The following ACTR3C variants were observed in gnomAD, a reference collection of about 807,000 sequenced individuals.
The protein encoded by ACTR3C is actin related protein 3C.
In ACTR3C, 18 loss-of-function variants were observed where a neutral mutation model predicts 26.3. The ratio of observed to expected loss-of-function variants is 0.68; its 90% CI spans 0.47 to 1.01. The LOEUF (loss-of-function observed/expected upper bound fraction) is 1.01, where lower values mean the gene tolerates loss of function less well. Ranked by LOEUF, ACTR3C falls within the 50% of genes least tolerant of loss-of-function variation. The probability of loss-of-function intolerance (pLI) is 0.00; values close to 1 mark genes in which losing one functional copy is unlikely to be tolerated. For synonymous variants in ACTR3C, 55 were observed against 94.5 expected, an observed-to-expected ratio of 0.58 and a Z score of 2.42; for missense variants, 184 against 250.7, an observed-to-expected ratio of 0.73 and a Z score of 1.80.
At chr7:150,197,955 C>A in the ACTR3C span, among the ~76,000 whole-genome samples, 22 of 151,024 alleles carry the variant, frequency 1.5e-4, 1 homozygote, top group Middle Eastern at 0.014. Context: ...AACCTCCCTG[C>A]CTGATTCTCC....
chr7:150,054,186 A>G, the ACTR3C span, among the ~76,000 whole-genome samples: 1 of 152,336 alleles, frequency 6.6e-6, no homozygotes, highest in Non-Finnish European at 1.5e-5. Context: ...ACCTATAAAT[A>G]TCCAGCTCCT....
intron 6 of ACTR3C, among the ~76,000 whole-genome samples, chr7:150,279,025 GC>G (rs1432167234): frequency 6.6e-6 from 1 of 152,158 alleles, no homozygotes; most frequent in Non-Finnish European, 1.5e-5. Context: ...TAAAAATAGA[GC>G]CGGCGCAGTG....
At position 150,323,481 on chromosome 7, in the gene ACTR3C, C is replaced by G; in HGVS notation, c.-64G>C. ...CTGCGGCTCTTACCTGCCGAGGAGG[C>G]GCCGGCTCTGCGGTGCGGAGTTGCG... On this transcript the variant is annotated 5_prime_UTR_variant, in exon 1 of 8. Coordinates refer to ENST00000683684, the MANE Select transcript of ACTR3C (RefSeq NM_001164458.2). 2.4e-6 allele frequency: 1 copy of G among 411,778 alleles called. No individual in the cohort carries two copies. Among genetic ancestry groups the G allele is most frequent in the Non-Finnish European group, 4.8e-6 (1 of 209,530 alleles). 25.5% of individuals were successfully genotyped at this position (411,778 alleles called of 1,614,324 possible).
the ACTR3C span, among the ~76,000 whole-genome samples, chr7:149,996,582 AAAAT>A: frequency 2.0e-5 from 3 of 148,908 alleles, no homozygotes; most frequent in Non-Finnish European, 3.0e-5. Flanking sequence ...TTCTGGTAAA[AAAAT>A]AAATAAATAA....
intron 1 of ACTR3C, among the ~76,000 whole-genome samples, chr7:150,305,750 C>T (rs1215279034): frequency 6.6e-6 from 1 of 152,054 alleles, no homozygotes; most frequent in Non-Finnish European, 1.5e-5. Context: ...GTCCACATAA[C>T]CGGTGTAAGC....
chr7:150,301,414 T>C (rs973758602), intron 1 of ACTR3C, among the ~76,000 whole-genome samples: 1 of 152,228 alleles, frequency 6.6e-6, no homozygotes, highest in African/African-American at 2.4e-5. Flanking sequence ...CCCTGCATTC[T>C]CTCTGGGTCT....
At chr7:149,918,714 T>G in the ACTR3C span, among the ~76,000 whole-genome samples, 1 of 151,946 alleles carries the variant, frequency 6.6e-6, no homozygotes, top group Admixed American at 6.6e-5. Context: ...AACAAAAAAT[T>G]TAAAGCAATA....
intron 2 of ACTR3C, among the ~76,000 whole-genome samples, chr7:150,294,121 C>T (rs1196496798): frequency 6.6e-6 from 1 of 152,096 alleles, no homozygotes; most frequent in Non-Finnish European, 1.5e-5. Flanking sequence ...AGGCCTCACA[C>T]CCAGAAATTC....
chr7:149,959,513 C>T, the ACTR3C span, among the ~76,000 whole-genome samples: 477 of 152,148 alleles, frequency 3.1e-3, 5 homozygotes, highest in African/African-American at 0.011. Flanking sequence ...AATGGTCTAA[C>T]TGTATTGTAA....
chr7:149,930,700 G>GTT, the ACTR3C span, among the ~76,000 whole-genome samples: 13 of 152,222 alleles, frequency 8.5e-5, no homozygotes, highest in African/African-American at 3.1e-4. Flanking sequence ...CTTGAAGATT[G>GTT]TTTTCATATT....
At chr7:150,055,458 T>TA in the ACTR3C span, among the ~76,000 whole-genome samples, 5 of 147,328 alleles carry the variant, frequency 3.4e-5, no homozygotes, top group East Asian at 9.8e-4. Flanking sequence ...TTTTCAAGAA[T>TA]AAAAAAAAGA....
chr7:150,106,405 T>C, the ACTR3C span, among the ~76,000 whole-genome samples: 2 of 151,402 alleles, frequency 1.3e-5, no homozygotes, highest in Admixed American at 1.3e-4. Context: ...AAAGTTGCTG[T>C]TACATGGTAT....
chr7:150,123,625 C>A, the ACTR3C span, among the ~76,000 whole-genome samples: 1 of 149,804 alleles, frequency 6.7e-6, no homozygotes, highest in East Asian at 1.9e-4. Flanking sequence ...ACACACACCC[C>A]TATTGGTACC....
At chr7:150,079,674 G>T in the ACTR3C span, among the ~76,000 whole-genome samples, 1 of 152,170 alleles carries the variant, frequency 6.6e-6, no homozygotes, top group Non-Finnish European at 1.5e-5. Flanking sequence ...GCTTCCTGGG[G>T]AGAGGCTCAC....
the ACTR3C span, among the ~76,000 whole-genome samples, chr7:149,903,865 CG>C: frequency 2.1e-3 from 108 of 50,484 alleles, 2 homozygotes; most frequent in South Asian, 9.3e-3. Context: ...AGTGTAAGGG[CG>C]TTGTTGTTGT....
At chr7:150,171,116 C>G in the ACTR3C span, among the ~76,000 whole-genome samples, 920 of 134,400 alleles carry the variant, frequency 6.8e-3, 42 homozygotes, top group African/African-American at 0.029. Flanking sequence ...ATCAACAAAC[C>G]TGACCGACTT....
chr7:149,894,154 G>A, the ACTR3C span, among the ~76,000 whole-genome samples: 13 of 152,216 alleles, frequency 8.5e-5, no homozygotes, highest in Admixed American at 2.6e-4. Context: ...TTTACACAAC[G>A]GGCAAAGTGT....
chr7:149,887,113 T>A, the ACTR3C span, among the ~76,000 whole-genome samples: 1 of 152,084 alleles, frequency 6.6e-6, no homozygotes, highest in African/African-American at 2.4e-5. Flanking sequence ...GGAGAATTTT[T>A]AAAATTATCA....
chr7:150,244,065 C>T (rs528578430), downstream of ACTR3C: 14 of 150,894 alleles, frequency 9.3e-5, no homozygotes, highest in Non-Finnish European at 1.9e-4. Context: ...ATTCAGTATT[C>T]AGTATAGTCT....
Sources: gnomAD v4.1 joint callset for allele counts (sites outside exome capture counted in the v4.1 genomes callset) on GRCh38, gnomAD v4.1.1 for gene constraint, MANE v1.5 for transcripts, NCBI Gene and HGNC (gene_info 2026-07-23, HGNC 2026-07-21) for gene names.